Variants in PDE9A observed in about 807,000 individuals in gnomAD.
PDE9A encodes the protein phosphodiesterase 9A, also known as high affinity cGMP-specific 3',5'-cyclic phosphodiesterase 9A.
In PDE9A, 60 loss-of-function variants were observed where a neutral mutation model predicts 87.4. The observed-to-expected ratio is 0.69, with a 90% CI of 0.56 to 0.85. PDE9A has a LOEUF of 0.85. Among genes scored for constraint, PDE9A ranks in the 40% least tolerant of loss-of-function variants. PDE9A has a pLI of 0.00. For missense variants in PDE9A, 665 were observed against 779.0 expected (o/e 0.85, Z 1.74); for synonymous variants, 272 against 279.4 (o/e 0.97, Z 0.27).
At chr21:42,751,763 T>TTTTTA (rs2054458254) in intron 9 of PDE9A, among the ~76,000 whole-genome samples, 1 of 135,920 alleles carries the variant, frequency 7.4e-6, no homozygotes, top group Non-Finnish European at 1.6e-5. Context: ...TTTTTTTTTT[T>TTTTTA]GAGACAGTGT....
rs370457589 is a variant in PDE9A at position 42,710,145 on chromosome 21, C to T, written c.262+11134C>T. ...AAGCTGGGCCGGGCACAGTGGCTCA[C>T]GCCTGTAATCCCAGCACTTTGGGAG... On this transcript the variant is annotated intron_variant, in intron 4 of 19. Coordinates refer to ENST00000291539, the MANE Select transcript of PDE9A (RefSeq NM_002606.3). 1.2e-4 allele frequency among the ~76,000 whole-genome samples: 19 copies of T among 152,246 alleles called. No individual in the cohort carries two copies. The South Asian group carries it at 1.9e-3, about 15-fold the overall frequency.
intron 1 of PDE9A, among the ~76,000 whole-genome samples, chr21:42,666,961 C>T (rs2058039854): frequency 6.6e-6 from 1 of 152,182 alleles, no homozygotes; most frequent in South Asian, 2.1e-4. Flanking sequence ...CACCAAGGTC[C>T]CGCGCCTGGT....
At chr21:42,767,933 G>A (rs2056560087) in intron 15 of PDE9A, among the ~76,000 whole-genome samples, 3 of 152,250 alleles carry the variant, frequency 2.0e-5, no homozygotes, top group Admixed American at 2.0e-4. Context: ...ACCAGGCACA[G>A]GGCAGTGCTT....
At chr21:42,764,983 G>GTGGATGGATGGATGGA (rs780841485) in intron 14 of PDE9A, among the ~76,000 whole-genome samples, 19 of 118,408 alleles carry the variant, frequency 1.6e-4, no homozygotes, top group Middle Eastern at 3.9e-3. Flanking sequence ...GGGTGGGTGG[G>GTGGATGGATGGATGGA]TGGATGGATG....
intron 7 of PDE9A, among the ~76,000 whole-genome samples, chr21:42,742,488 CAG>C (rs1293481417): frequency 1.0e-5 from 1 of 98,440 alleles, no homozygotes; most frequent in African/African-American, 4.1e-5. Context: ...TTTTTTGAGA[CAG>C]AGTCTCACTC....
chr21:42,732,928 C>CA (rs2051983569), intron 6 of PDE9A, among the ~76,000 whole-genome samples: 2 of 152,078 alleles, frequency 1.3e-5, no homozygotes, highest in Non-Finnish European at 2.9e-5. Context: ...CAAAACAAAA[C>CA]AAAAAAACCT....
intron 3 of PDE9A, chr21:42,697,490 G>A: frequency 1.3e-6 from 2 of 1,586,072 alleles, no homozygotes; most frequent in Non-Finnish European, 1.7e-6. Context: ...CGTCCCACCA[G>A]GTGAATACTT....
chr21:42,660,346 G>A lies in PDE9A; in HGVS notation c.69+6463G>A, dbSNP rs1009486479. Among the ~76,000 whole-genome samples, 1 of 152,286 alleles carries A rather than the reference G, an allele frequency of 6.6e-6. No homozygotes were observed. The highest frequency in any genetic ancestry group is 2.1e-4 in the South Asian group (1 of 4,822). ...CCCTCCAGCTTCCAGGAGCAGGTGC[G>A]GGGCCTGCAGGGACGGCTCGCAGAG... On this transcript the variant is annotated intron_variant, in intron 1 of 19. Transcript: ENST00000291539. This position sits in a 1 kb window ranked among gnomAD's most constrained non-coding sequence, Gnocchi z 4.7.
At chr21:42,754,970 CA>C (rs553010151) in intron 10 of PDE9A, among the ~76,000 whole-genome samples, 15 of 151,494 alleles carry the variant, frequency 9.9e-5, no homozygotes, top group Middle Eastern at 3.4e-3. Context: ...CTCGTCGCTA[CA>C]AAAAAAAGGT....
chr21:42,773,835 T>G (rs966410291), intron 19 of PDE9A, among the ~76,000 whole-genome samples: 1 of 146,502 alleles, frequency 6.8e-6, no homozygotes, highest in Non-Finnish European at 1.5e-5. Flanking sequence ...CCGGGCGCAG[T>G]GGCTCATGCC....
chr21:42,724,111 G>A (rs2146617183), intron 4 of PDE9A, among the ~76,000 whole-genome samples: 1 of 152,258 alleles, frequency 6.6e-6, no homozygotes, highest in South Asian at 2.1e-4. Context: ...GGTGCTAGAG[G>A]GGGTAAGGCC....
chr21:42,712,623 C>T (rs1171399237), intron 4 of PDE9A, among the ~76,000 whole-genome samples: 1 of 152,190 alleles, frequency 6.6e-6, no homozygotes, highest in Non-Finnish European at 1.5e-5. Flanking sequence ...GGTCTCTCAC[C>T]ATTACATACG....
At chr21:42,687,853 A>G in intron 2 of PDE9A, 64 bp from the exon 3 acceptor site, 1 of 1,370,052 alleles carries the variant, frequency 7.3e-7, no homozygotes, top group Non-Finnish European at 1.0e-6. Context: ...CCCCATGTGT[A>G]CATTCAAGTG....
At chr21:42,665,250 C>T (rs538943685) in intron 1 of PDE9A, among the ~76,000 whole-genome samples, 4 of 152,232 alleles carry the variant, frequency 2.6e-5, no homozygotes, top group South Asian at 2.1e-4. Flanking sequence ...GCCCATGCCT[C>T]GAGCTCAGGC....
chr21:42,664,482 A>G (rs1168386309), intron 1 of PDE9A, among the ~76,000 whole-genome samples: 1 of 152,232 alleles, frequency 6.6e-6, no homozygotes, highest in African/African-American at 2.4e-5. Context: ...TGGCCTCTGC[A>G]TGGACACAAA....
intron 1 of PDE9A, among the ~76,000 whole-genome samples, chr21:42,656,053 T>C (rs1282024783): frequency 6.6e-6 from 1 of 152,226 alleles, no homozygotes; most frequent in Non-Finnish European, 1.5e-5. Flanking sequence ...GAGAGCACTT[T>C]CAGTGCCGCT....
rs1438188865 is a variant in PDE9A, at chr21:42,692,942, C to T, written c.218+4948C>T. Among the ~76,000 whole-genome samples, 1 of 152,218 alleles carries T rather than the reference C, an allele frequency of 6.6e-6. No individual in the cohort carries two copies. The highest frequency in any genetic ancestry group is 2.4e-5 in the African/African-American group (1 of 41,452). On this transcript the variant is annotated intron_variant, in intron 3 of 19. Transcript: ENST00000291539. The surrounding 1 kb of genome is among the most constrained non-coding windows in gnomAD (Gnocchi z 4.3). ...CCGTTTCTCTCCCGCCCCCCGGCCG[C>T]ATGCTGCAGCCATTCCCTCACCACA...
rs981650752 is a variant in PDE9A at position 42,690,715 on chromosome 21, G to A, written c.218+2721G>A. On this transcript the variant is annotated intron_variant, in intron 3 of 19. Coordinates refer to ENST00000291539, the MANE Select transcript of PDE9A (RefSeq NM_002606.3). ...GCCTGCCTCTCCCACACGGCTGCCA[G>A]GTTCAACCTGGTAAGACACCTTCTT... Among the ~76,000 whole-genome samples the A allele has an allele frequency of 2.2e-4, 34 of 152,028 alleles. 1 individual carries two copies. Among genetic ancestry groups the A allele is most frequent in the Admixed American group, 2.0e-4 (3 of 15,268 alleles).
At chr21:42,710,693 A>G (rs371847417) in intron 4 of PDE9A, among the ~76,000 whole-genome samples, 3 of 152,340 alleles carry the variant, frequency 2.0e-5, no homozygotes, top group African/African-American at 7.2e-5. Context: ...TCTGTTCAAC[A>G]ATACTTTGCT....
Sources: allele counts gnomAD v4.1 joint callset (sites outside exome capture counted in the v4.1 genomes callset), GRCh38; gene constraint gnomAD v4.1.1; non-coding constraint Gnocchi (gnomAD v3.1); transcripts MANE v1.5; gene names NCBI Gene and HGNC (gene_info 2026-07-23, HGNC 2026-07-21).